The following RUFY3 variants were observed in gnomAD, a reference collection of about 807,000 sequenced individuals.
The protein encoded by RUFY3 is RUN and FYVE domain containing 3.
Under a neutral mutation model 84.0 loss-of-function variants are expected in RUFY3, and 34 were observed. That is an observed-to-expected ratio of 0.40 (90% CI 0.31 to 0.54). RUFY3 has a LOEUF of 0.54. RUFY3 is among the 20% of genes least tolerant of loss of function. The pLI is 0.39. For synonymous variants in RUFY3, 242 were observed against 252.9 expected (o/e 0.96, Z 0.41); for missense variants, 507 against 736.8 (o/e 0.69, Z 3.61).
chr4:70,755,164 G>A (rs1275351120), intron 1 of RUFY3, among the ~76,000 whole-genome samples: 1 of 151,928 alleles, frequency 6.6e-6, no homozygotes, highest in African/African-American at 2.4e-5. Flanking sequence ...GCCACCGCGT[G>A]AGCCACCAGC....
intron 1 of RUFY3, among the ~76,000 whole-genome samples, chr4:70,710,024 TTAACAGCGAG>T (rs1203919487): frequency 6.6e-6 from 1 of 152,234 alleles, no homozygotes; most frequent in East Asian, 1.9e-4. Flanking sequence ...TTGAGTATAC[TTAACAGCGAG>T]TGCCATGATT....
Position 70,762,601 on chromosome 4 carries a change from T to C in RUFY3, c.261T>C (p.Ala87=). Residue 87 remains alanine, a synonymous_variant, in exon 2 of 18, where the codon GCT becomes GCC. Coordinates refer to ENST00000381006, the MANE Select transcript of RUFY3 (RefSeq NM_001037442.4). The part of the protein sequence containing the change: ...KLSIKGLIES[A]LNLGRTLDSD... ...GTATCAAGGGCTTGATTGAATCAGC[T>C]CTGAACCTGGGGAGGACTCTTGACT... The C allele has an allele frequency of 6.2e-7, 1 of 1,614,012 alleles. No homozygotes were observed. The highest frequency in any genetic ancestry group is 1.1e-5 in the South Asian group (1 of 91,058).
intron 5 of RUFY3, among the ~76,000 whole-genome samples, chr4:70,768,979 G>A (rs542431336): frequency 6.6e-6 from 1 of 152,140 alleles, no homozygotes; most frequent in African/African-American, 2.4e-5. Context: ...TTGCAGGTTT[G>A]GTTTCAGATC....
At chr4:70,738,694 A>C (rs952910152) in intron 1 of RUFY3, among the ~76,000 whole-genome samples, 28 of 151,620 alleles carry the variant, frequency 1.8e-4, no homozygotes, top group Non-Finnish European at 2.9e-5. Flanking sequence ...CCATTGCATT[A>C]GTAAAGTCTT....
At chr4:70,712,467 G>T (rs890940006) in intron 1 of RUFY3, among the ~76,000 whole-genome samples, 31 of 152,192 alleles carry the variant, frequency 2.0e-4, no homozygotes, top group Non-Finnish European at 5.9e-5. Flanking sequence ...GCAGAGGAAA[G>T]GTGGCAAAGA....
intron 17 of RUFY3, 65 bp downstream of exon 17, chr4:70,804,481 C>A: frequency 7.3e-7 from 1 of 1,378,762 alleles, no homozygotes; most frequent in South Asian, 1.2e-5. Context: ...CAGTCCCTCC[C>A]CAGGAGTAAC....
At chr4:70,739,708 C>T (rs1305836811) in intron 1 of RUFY3, among the ~76,000 whole-genome samples, 6 of 151,916 alleles carry the variant, frequency 3.9e-5, no homozygotes, top group African/African-American at 1.2e-4. Flanking sequence ...TTAGCCCATT[C>T]AAGCACTTCC....
At chr4:70,767,598 A>G (rs1726193093) in intron 4 of RUFY3, among the ~76,000 whole-genome samples, 1 of 152,160 alleles carries the variant, frequency 6.6e-6, no homozygotes, top group Non-Finnish European at 1.5e-5. Flanking sequence ...GTTAGATCAT[A>G]TGAATTACAT....
intron 1 of RUFY3, among the ~76,000 whole-genome samples, chr4:70,747,742 G>A (rs1406444676): frequency 6.6e-6 from 1 of 152,172 alleles, no homozygotes; most frequent in Non-Finnish European, 1.5e-5. Flanking sequence ...AGCTGGGCAT[G>A]GTGGTTGCAT....
intron 1 of RUFY3, among the ~76,000 whole-genome samples, chr4:70,708,566 A>G (rs1432056076): frequency 6.6e-6 from 1 of 152,186 alleles, no homozygotes; most frequent in African/African-American, 2.4e-5. Flanking sequence ...TTAGCAACCC[A>G]ATTTTTAACT....
chr4:70,763,510 T>G, intron 2 of RUFY3, 42 bp from the exon 3 acceptor site: 1 of 1,517,522 alleles, frequency 6.6e-7, no homozygotes, highest in South Asian at 1.2e-5. Flanking sequence ...GCGCTTATGT[T>G]GTAAAGAATA....
chr4:70,726,079 GA>G (rs1718183896), intron 1 of RUFY3, among the ~76,000 whole-genome samples: 1 of 152,160 alleles, frequency 6.6e-6, no homozygotes, highest in African/African-American at 2.4e-5. Flanking sequence ...AGCTCTCAGG[GA>G]CCCCTAACTA....
intron 1 of RUFY3, among the ~76,000 whole-genome samples, chr4:70,713,004 G>A (rs929959286): frequency 2.6e-5 from 4 of 152,094 alleles, no homozygotes; most frequent in African/African-American, 9.7e-5. Context: ...TTGAAATTGT[G>A]TGAAAGGAAA....
intron 8 of RUFY3, 44 bp downstream of exon 8, chr4:70,778,482 G>A (rs771995357): frequency 9.6e-7 from 1 of 1,040,128 alleles, no homozygotes; most frequent in South Asian, 1.3e-5. Flanking sequence ...AATTTAATAT[G>A]CATTAGTAGA....
chr4:70,722,759 C>T lies in RUFY3; in HGVS notation c.178+8C>T, dbSNP rs1164633463. ...CAGAGCCTACCCATGAAGGTATGGT[C>T]AGATCCTGTCCGCTAGTATTTCACC... On this transcript the variant is annotated splice_region_variant and intron_variant, in intron 1 of 17. Coordinates refer to ENST00000381006, the MANE Select transcript of RUFY3 (RefSeq NM_001037442.4). The T allele has an allele frequency of 1.4e-5, 23 of 1,610,986 alleles. No individual in the cohort carries two copies. The highest frequency in any genetic ancestry group is 1.8e-5 in the Non-Finnish European group (21 of 1,177,678).
At chr4:70,741,793 A>G (rs1721360590) in intron 1 of RUFY3, 6 of 706,568 alleles carry the variant, frequency 8.5e-6, no homozygotes, top group Admixed American at 4.0e-5. Flanking sequence ...TTTATTTCCC[A>G]TGGCAATAAG....
rs879451569 is a variant in RUFY3, at chr4:70,807,844, T to TA, written c.*1186dup. ...CTGAGAACAGTTAGCTCGGAATACT[T>TA]ACATTGTTTTTTGAATAAGGAATTC... is the stretch of plus-strand genomic sequence containing the variant. On this transcript the variant is annotated 3_prime_UTR_variant, in exon 18 of 18. Transcript: ENST00000381006. 6.6e-6 allele frequency among the ~76,000 whole-genome samples: 1 copy of TA among 152,124 alleles called. No individual in the cohort carries two copies. The highest frequency in any genetic ancestry group is 2.4e-5 in the African/African-American group (1 of 41,430).
intron 12 of RUFY3, chr4:70,791,917 AAAG>A (rs1192216458): frequency 2.0e-6 from 2 of 985,454 alleles, no homozygotes; most frequent in Non-Finnish European, 2.4e-6. Context: ...TTTGAAAAAA[AAAG>A]AAAAGAAAAA....
chr4:70,755,812 G>A (rs770079790), intron 1 of RUFY3, among the ~76,000 whole-genome samples: 4 of 152,032 alleles, frequency 2.6e-5, no homozygotes, highest in Admixed American at 1.3e-4. Flanking sequence ...TTAGCCGGGC[G>A]TGGCAGCAGG....
Sources: allele counts gnomAD v4.1 joint callset (sites outside exome capture counted in the v4.1 genomes callset), GRCh38; gene constraint gnomAD v4.1.1; transcripts MANE v1.5; gene names NCBI Gene and HGNC (gene_info 2026-07-23, HGNC 2026-07-21).